The following VRK2 variants were observed in gnomAD, a reference collection of about 807,000 sequenced individuals.
VRK2 encodes the protein VRK serine/threonine kinase 2.
Under a neutral mutation model 57.6 loss-of-function variants are expected in VRK2, and 60 were observed. The observed-to-expected ratio is 1.04, with a 90% CI of 0.85 to 1.29. The LOEUF (loss-of-function observed/expected upper bound fraction) is 1.29. VRK2 is among the 50% of genes most tolerant of loss of function. The pLI is 0.00. For missense variants in VRK2, 705 were observed against 588.1 expected (o/e 1.20, Z -2.06); for synonymous variants, 231 against 199.2 (o/e 1.16, Z -1.35).
At chr2:57,949,920 T>C (rs1671373956) in intron 1 of VRK2, among the ~76,000 whole-genome samples, 1 of 152,220 alleles carries the variant, frequency 6.6e-6, no homozygotes, top group Non-Finnish European at 1.5e-5. Context: ...TTGAGTGGTC[T>C]GGATAGAAAA....
chr2:57,947,228 G>C (rs971417172), intron 1 of VRK2, among the ~76,000 whole-genome samples: 1 of 152,082 alleles, frequency 6.6e-6, no homozygotes, highest in East Asian at 1.9e-4. Flanking sequence ...ATTTTGTGAA[G>C]AACCAAGTAG....
chr2:57,944,196 G>C (rs570774908), intron 1 of VRK2, among the ~76,000 whole-genome samples: 1 of 152,268 alleles, frequency 6.6e-6, no homozygotes, highest in South Asian at 2.1e-4. Context: ...TTTTGGAGGC[G>C]TGTACAGCTA....
chr2:58,154,386 G>C (rs923535201), intron 12 of VRK2, among the ~76,000 whole-genome samples: 1 of 151,486 alleles, frequency 6.6e-6, no homozygotes, highest in African/African-American at 2.4e-5. Flanking sequence ...GGTACAATGT[G>C]ATGCTTTGAT....
chr2:58,010,746 C>T (rs1385636761), intron 1 of VRK2, among the ~76,000 whole-genome samples: 1 of 152,166 alleles, frequency 6.6e-6, no homozygotes, highest in Non-Finnish European at 1.5e-5. Flanking sequence ...CCCCACAGCA[C>T]TCCTTATCTA....
intron 2 of VRK2, among the ~76,000 whole-genome samples, chr2:58,027,768 GAAGTAT>G (rs1673978390): frequency 6.6e-6 from 1 of 152,130 alleles, no homozygotes; most frequent in Admixed American, 6.5e-5. Flanking sequence ...AAGATTTATA[GAAGTAT>G]AAGTGTCCAG....
intron 1 of VRK2, among the ~76,000 whole-genome samples, chr2:57,950,216 C>T (rs947197446): frequency 1.3e-5 from 2 of 152,210 alleles, no homozygotes; most frequent in East Asian, 3.8e-4. Context: ...GTAGATAAAA[C>T]AGCCTTCTAT....
At chr2:58,013,935 T>C (rs1392476838) in intron 1 of VRK2, among the ~76,000 whole-genome samples, 1 of 151,114 alleles carries the variant, frequency 6.6e-6, no homozygotes, top group Non-Finnish European at 1.5e-5. Context: ...AATAATTTCA[T>C]ATTGGACTGC....
rs1171709314 is a variant in VRK2, at chr2:58,131,901, C to G, written c.770C>G (p.Pro257Arg). ...KLPWEQNLKD[P>R]VAVQTAKTNL... ...CCCTGGGAACAGAACCTGAAGGACC[C>G]TGTGGCTGTGCAGACTGCTAAAACA... The change falls in exon 9 of 13, where the codon CCT (proline) becomes CGT (arginine). Residue 257 changes from proline to arginine, a missense_variant. Physicochemically the swap from Pro to Arg is moderately radical, Grantham distance 103. Transcript: ENST00000340157. 1 of 1,614,014 alleles carries G rather than the reference C, an allele frequency of 6.2e-7. No individual in the cohort carries two copies. Among genetic ancestry groups the G allele is most frequent in the Non-Finnish European group, 8.5e-7 (1 of 1,180,010 alleles).
At chr2:58,090,283 C>G (rs1350258937) in intron 7 of VRK2, among the ~76,000 whole-genome samples, 3 of 151,598 alleles carry the variant, frequency 2.0e-5, no homozygotes, top group African/African-American at 7.3e-5. Flanking sequence ...GTAATCCCAG[C>G]TACTCAGGAG....
intron 1 of VRK2, among the ~76,000 whole-genome samples, chr2:57,971,341 T>C (rs1257156202): frequency 1.3e-5 from 2 of 151,970 alleles, no homozygotes; most frequent in Admixed American, 6.6e-5. Context: ...GCCTGGTATA[T>C]ACAATTCAAG....
chr2:58,148,796 CA>C (rs999774911), intron 12 of VRK2, among the ~76,000 whole-genome samples: 2 of 151,650 alleles, frequency 1.3e-5, no homozygotes, highest in African/African-American at 4.8e-5. Flanking sequence ...GAGCCCTTTT[CA>C]AAAGTCAGCT....
At chr2:57,959,604 A>T (rs1258976323) in intron 1 of VRK2, among the ~76,000 whole-genome samples, 1 of 152,196 alleles carries the variant, frequency 6.6e-6, no homozygotes. Flanking sequence ...AGCTAAAAGC[A>T]GCAGGGACTG....
intron 1 of VRK2, among the ~76,000 whole-genome samples, chr2:57,936,532 T>G (rs2312145): frequency 0.12 from 14,508 of 120,204 alleles, 720 homozygotes; most frequent in East Asian, 0.19. Flanking sequence ...TGTTTTTTTG[T>G]TTTTTTTTTT....
chr2:58,093,382 T>A (rs1424490451), intron 7 of VRK2, among the ~76,000 whole-genome samples: 2 of 152,120 alleles, frequency 1.3e-5, no homozygotes, highest in Non-Finnish European at 2.9e-5. Context: ...GGTATCTCAT[T>A]GTGGTTTTGA....
At chr2:57,980,654 T>C (rs1448250722) in intron 1 of VRK2, among the ~76,000 whole-genome samples, 1 of 152,196 alleles carries the variant, frequency 6.6e-6, no homozygotes, top group Non-Finnish European at 1.5e-5. Context: ...CCACTATTAT[T>C]GTGTGGTTAT....
At chr2:58,078,149 A>AT (rs1196543518) in intron 2 of VRK2, among the ~76,000 whole-genome samples, 1 of 152,014 alleles carries the variant, frequency 6.6e-6, no homozygotes, top group Admixed American at 6.6e-5. Context: ...GTAATTCTCC[A>AT]TTTTCCTCTT....
chr2:57,914,662 G>T (rs1670090932), intron 1 of VRK2, among the ~76,000 whole-genome samples: 2 of 152,070 alleles, frequency 1.3e-5, no homozygotes, highest in African/African-American at 2.4e-5. Context: ...TCTAATTACA[G>T]CAGCAACAAC....
chr2:58,008,229 A>G (rs1038679868), intron 1 of VRK2, among the ~76,000 whole-genome samples: 8 of 152,082 alleles, frequency 5.3e-5, no homozygotes, highest in Admixed American at 2.0e-4. Flanking sequence ...CTAGGGTCAA[A>G]TAAGATCTAT....
chr2:57,946,653 T>C (rs1377591312), intron 1 of VRK2, among the ~76,000 whole-genome samples: 1 of 152,196 alleles, frequency 6.6e-6, no homozygotes, highest in Non-Finnish European at 1.5e-5. Context: ...TTCAGTATTT[T>C]ATAATATCCA....
Sources: gnomAD v4.1 joint callset for allele counts (sites outside exome capture counted in the v4.1 genomes callset) on GRCh38, gnomAD v4.1.1 for gene constraint, MANE v1.5 for transcripts, NCBI Gene and HGNC (gene_info 2026-07-23, HGNC 2026-07-21) for gene names.